The following SLC43A3 variants were observed in gnomAD, a reference collection of about 807,000 sequenced individuals.
SLC43A3 encodes equilibrative nucleobase transporter 1.
In SLC43A3, 33 loss-of-function variants were observed where a neutral mutation model predicts 53.3. The ratio of observed to expected loss-of-function variants is 0.62; its 90% confidence interval spans 0.47 to 0.83. The LOEUF (loss-of-function observed/expected upper bound fraction) is 0.83. SLC43A3 is among the 40% of genes least tolerant of loss of function. The pLI is 0.00. For missense variants in SLC43A3, 530 were observed against 610.0 expected, an observed-to-expected ratio of 0.87 and a Z score of 1.38; for synonymous variants, 236 against 246.2, an observed-to-expected ratio of 0.96 and a Z score of 0.39.
At chr11:57,415,166 G>A (rs574857716) in intron 9 of SLC43A3, 60 bp from the exon 10 acceptor site, 5 of 1,583,698 alleles carry the variant, frequency 3.2e-6, no homozygotes, top group Middle Eastern at 1.9e-4. Flanking sequence ...GTAGGATGGG[G>A]AGTGTGGAGG....
chr11:57,413,448 A>C (rs927947798), intron 11 of SLC43A3, among the ~76,000 whole-genome samples: 26 of 152,226 alleles, frequency 1.7e-4, no homozygotes, highest in African/African-American at 6.0e-4. Context: ...TGTTTAAGTA[A>C]AAGAGGCCTT....
Position 57,423,919 on chromosome 11 carries a change from A to G in SLC43A3, c.361+63T>C, listed in dbSNP as rs1392019091. The G allele has an allele frequency of 9.2e-5, 137 of 1,494,856 alleles. 1 individual carries two copies. In the South Asian group the frequency reaches 1.4e-3, roughly 15 times the overall value. 92.6% of individuals were successfully genotyped at this position (1,494,856 alleles called of 1,614,324 possible). The stretch of plus-strand genomic sequence containing the variant: ...ATCTTGCCTATAGCCCTCTGCTCAC[A>G]CCTGCCCCAGCCACCAGGTGCCTCT... On this transcript the variant is annotated intron_variant, in intron 5 of 13. Coordinates refer to ENST00000395124, the MANE Select transcript of SLC43A3 (RefSeq NM_199329.3).
At chr11:57,424,663 G>A (rs903394943) in intron 4 of SLC43A3, among the ~76,000 whole-genome samples, 6 of 152,116 alleles carry the variant, frequency 3.9e-5, no homozygotes, top group African/African-American at 1.2e-4. Context: ...AGGGGACAAA[G>A]GAAGGGGAGG....
rs1049273 is a variant in SLC43A3 at position 57,407,111 on chromosome 11, T to C, written c.*681A>G. On this transcript the variant is annotated 3_prime_UTR_variant, in exon 14 of 14. Transcript: ENST00000395124. Reference sequence around the variant, plus strand: ...GGTCAAGCAGGTCAGCTGGCTCCCATGGCCCTTGGGGTGGCCTGACTCTGT... The same window carrying C: ...GGTCAAGCAGGTCAGCTGGCTCCCACGGCCCTTGGGGTGGCCTGACTCTGT... 13,478 of 152,358 alleles carry C rather than the reference T, an allele frequency of 0.088. 673 individuals carry two copies. The highest frequency in any genetic ancestry group is 0.11 in the Non-Finnish European group (7,586 of 68,038). 9.4% of individuals were successfully genotyped at this position (152,358 alleles called of 1,614,324 possible).
chr11:57,409,527 T>C (rs1942354589), intron 12 of SLC43A3, among the ~76,000 whole-genome samples: 1 of 152,122 alleles, frequency 6.6e-6, no homozygotes, highest in Non-Finnish European at 1.5e-5. Flanking sequence ...AGGACCCTCA[T>C]GCAGGCTGCA....
rs1427187432 is a variant in SLC43A3, at chr11:57,421,312, G to A, written c.423C>T (p.Leu141=). Residue 141 remains leucine, a synonymous_variant, in exon 6 of 14, where the codon CTC becomes CTT. Transcript: ENST00000395124. ...PMLTIGGILF[L]ITNLQIGNLF... ...AGGCTCCCACCTGCAGGTTGGTGAT[G>A]AGAAACAGGATTCCCCCAATGGTGA... 3 of 1,613,578 alleles carry A rather than the reference G, an allele frequency of 1.9e-6. No individual in the cohort carries two copies. The highest frequency in any genetic ancestry group is 2.7e-5 in the African/African-American group (2 of 74,912).
In SLC43A3 at chr11:57,414,687, G is replaced by A; in HGVS notation, c.988C>T (p.Leu330=). ...AGCAGGCCATTCCAGGGGGCACACA[G>A]CACTCCGAACTGAGTGAAGGCAAAG... is the stretch of plus-strand genomic sequence containing the variant. ...NAFAFTQFGV[L]CAPWNGLLMD... Residue 330 remains leucine (L), a synonymous_variant, in exon 11 of 14, where the codon CTG becomes TTG. Transcript: ENST00000395124. 6.2e-7 allele frequency: 1 copy of A among 1,614,046 alleles called. No individual in the cohort carries two copies. The highest frequency in any genetic ancestry group is 8.5e-7 in the Non-Finnish European group (1 of 1,179,970).
At chr11:57,421,267 C>T (rs749459198) in intron 6 of SLC43A3, 30 bp downstream of exon 6, 82 of 1,579,686 alleles carry the variant, frequency 5.2e-5, no homozygotes, top group South Asian at 2.7e-4. Flanking sequence ...GCCACCCTGC[C>T]GAGTGCCTGG....
intron 9 of SLC43A3, chr11:57,415,532 T>C (rs1942680331): frequency 1.7e-6 from 1 of 579,492 alleles, no homozygotes; most frequent in African/African-American, 1.9e-5. Flanking sequence ...ATCCTGAGTT[T>C]CTTTGGGAAA....
rs1172891611 is a variant in SLC43A3, at chr11:57,417,824, A to G, written c.595T>C (p.Trp199Arg). The change falls in exon 8 of 14, where the codon TGG becomes CGG. Residue 199 changes from tryptophan to arginine, a missense_variant. Trp to Arg is a moderately radical substitution (Grantham distance 101). Coordinates refer to ENST00000395124, the MANE Select transcript of SLC43A3 (RefSeq NM_199329.3). ...AGGAGGAAAGTGCGTGCTACATGCC[A>G]GGTACTGCAGACAGAGATGAAGATG... ...SFIFISVCST[W>R]HVARTFLLMP... 6.2e-7 allele frequency: 1 copy of G among 1,614,118 alleles called. No individual in the cohort carries two copies. The highest frequency in any genetic ancestry group is 8.5e-7 in the Non-Finnish European group (1 of 1,180,050).
At chr11:57,421,960 A>T (rs1943006870) in intron 5 of SLC43A3, among the ~76,000 whole-genome samples, 1 of 152,246 alleles carries the variant, frequency 6.6e-6, no homozygotes, top group African/African-American at 2.4e-5. Context: ...TGAATCAGAT[A>T]GTCCTTGCCC....
intron 7 of SLC43A3, among the ~76,000 whole-genome samples, chr11:57,418,167 C>T (rs1394016532): frequency 6.6e-6 from 1 of 152,098 alleles, no homozygotes; most frequent in Non-Finnish European, 1.5e-5. Context: ...CACCCCTTCT[C>T]TAGAAAATTT....
chr11:57,425,860 G>A, intron 3 of SLC43A3, 129 bp downstream of exon 3: 1 of 1,329,096 alleles, frequency 7.5e-7, no homozygotes, highest in Non-Finnish European at 1.0e-6. Flanking sequence ...AGATCAAGTG[G>A]GGTGAGAGCT....
intron 13 of SLC43A3, 101 bp downstream of exon 13, chr11:57,409,074 T>C (rs1342390258): frequency 4.3e-6 from 5 of 1,170,608 alleles, no homozygotes; most frequent in Non-Finnish European, 6.3e-6. Context: ...TTTGGGAAGC[T>C]GCACCATGCT....
At chr11:57,422,326 A>AGG in intron 5 of SLC43A3, among the ~76,000 whole-genome samples, 2 of 152,242 alleles carry the variant, frequency 1.3e-5, no homozygotes, top group Non-Finnish European at 2.9e-5. Context: ...TGACCTTAGA[A>AGG]TGTTCAAAGC....
At chr11:57,417,099 T>C (rs1257290049) in intron 8 of SLC43A3, among the ~76,000 whole-genome samples, 2 of 152,228 alleles carry the variant, frequency 1.3e-5, no homozygotes, top group African/African-American at 2.4e-5. Context: ...TGACAATTAG[T>C]AAGTGAGCAG....
At chr11:57,419,668 C>T (rs772108994) in intron 7 of SLC43A3, among the ~76,000 whole-genome samples, 3 of 151,946 alleles carry the variant, frequency 2.0e-5, no homozygotes, top group East Asian at 1.9e-4. Flanking sequence ...TGTGGTGGCA[C>T]GCCTATAGTC....
intron 11 of SLC43A3, among the ~76,000 whole-genome samples, chr11:57,413,130 C>A (rs1942559438): frequency 6.6e-6 from 1 of 150,666 alleles, no homozygotes; most frequent in African/African-American, 2.4e-5. Context: ...ACAGGAAATA[C>A]CCAAGGAAAG....
rs1186137381 is a variant in SLC43A3, at chr11:57,407,673, G to C, written c.*119C>G. On this transcript the variant is annotated 3_prime_UTR_variant, in exon 14 of 14. Transcript: ENST00000395124. ...CCTTGTGTGTCTTTATTTTGTGTGT[G>C]TGTGTGTGTGTGTGTGTGTTTTGCT... The C allele has an allele frequency of 3.7e-5, 23 of 627,480 alleles. No homozygotes were observed. In the Admixed American group the frequency reaches 6.0e-4, roughly 16 times the overall value. The allele number at this position is 627,480 out of a possible 1,614,324, so 38.9% of individuals were successfully genotyped here.
Sources: allele counts gnomAD v4.1 joint callset (sites outside exome capture counted in the v4.1 genomes callset), GRCh38; gene constraint gnomAD v4.1.1; transcripts MANE v1.5; gene names NCBI Gene and HGNC (gene_info 2026-07-23, HGNC 2026-07-21).